TRIM69: variants seen among roughly 807,000 people sequenced by gnomAD.
TRIM69 encodes the protein tripartite motif containing 69.
In TRIM69, 29 loss-of-function variants were observed where a neutral mutation model predicts 37.7. The observed-to-expected ratio is 0.77, with a 90% CI of 0.57 to 1.05. The LOEUF (loss-of-function observed/expected upper bound fraction) is 1.05, where lower values mean the gene tolerates loss of function less well. Among genes scored for constraint, TRIM69 ranks in the 50% least tolerant of loss-of-function variants. The pLI is 0.00. For synonymous variants in TRIM69, 209 were observed against 212.4 expected, an observed-to-expected ratio of 0.98 and a Z score of 0.14; for missense variants, 596 against 579.9, an observed-to-expected ratio of 1.03 and a Z score of -0.28.
At position 44,767,722 on chromosome 15, in the gene TRIM69, A is replaced by G. The variant is rs1403182655; in HGVS notation, c.1453A>G (p.Asn485Asp). ...TTATCCCTACTTCTGCCCCTGCCTT[A>G]ATGATGGTGGAGAGAATAAAGAACC... ...KLYPYFCPCLNDGGENKEPLH... is the reference protein window; with the variant it reads ...KLYPYFCPCLDDGGENKEPLH... Residue 485 changes from asparagine (N) to aspartate (D), a missense_variant, in exon 7 of 7, where the codon AAT (asparagine) becomes GAT (aspartate). Transcript: ENST00000329464. 6.2e-7 allele frequency: 1 copy of G among 1,613,860 alleles called. No homozygotes were observed. Among genetic ancestry groups the G allele is most frequent in the African/African-American group, 1.3e-5 (1 of 74,928 alleles).
At chr15:44,762,675 C>T (rs2087801932) in intron 6 of TRIM69, among the ~76,000 whole-genome samples, 1 of 152,046 alleles carries the variant, frequency 6.6e-6, no homozygotes, top group South Asian at 2.1e-4. Context: ...ATTTTATATA[C>T]ATTTCATTTC....
chr15:44,747,908 C>A (rs2087442172), intron 1 of TRIM69, among the ~76,000 whole-genome samples: 1 of 152,128 alleles, frequency 6.6e-6, no homozygotes, highest in Non-Finnish European at 1.5e-5. Flanking sequence ...GAAACTAAGC[C>A]CATAAGGAGA....
At chr15:44,759,519 G>A in intron 4 of TRIM69, 121 bp from the exon 5 acceptor site, 2 of 911,172 alleles carry the variant, frequency 2.2e-6, no homozygotes, top group Non-Finnish European at 3.4e-6. Flanking sequence ...AAGGATGAAA[G>A]AAGTTGGTAG....
intron 1 of TRIM69, among the ~76,000 whole-genome samples, chr15:44,749,675 G>A (rs2087480296): frequency 6.6e-6 from 1 of 152,134 alleles, no homozygotes; most frequent in Admixed American, 6.6e-5. Flanking sequence ...TGTGAATAGT[G>A]CTGCTATTAA....
Position 44,767,273 on chromosome 15 carries a change from A to C in TRIM69, c.1004A>C (p.Asn335Thr), listed in dbSNP as rs777474756. The C allele has an allele frequency of 1.9e-6, 3 of 1,613,798 alleles. No individual in the cohort carries two copies. The highest frequency in any genetic ancestry group is 2.5e-6 in the Non-Finnish European group (3 of 1,179,974). Residue 335 changes from asparagine (N) to threonine (T), a missense_variant, in exon 7 of 7, where the codon AAT becomes ACT. Coordinates refer to ENST00000329464, the MANE Select transcript of TRIM69 (RefSeq NM_182985.5). ...LTLDPKTAHP[N>T]LVLSKSQTSV... The stretch of plus-strand genomic sequence containing the variant: ...CTGGACCCTAAAACAGCTCACCCAA[A>C]TCTGGTGCTCTCCAAAAGCCAAACC...
chr15:44,756,250 G>C, intron 2 of TRIM69, 118 bp from the exon 3 acceptor site: 1 of 655,964 alleles, frequency 1.5e-6, no homozygotes. Context: ...AGGGGAAGGG[G>C]AAGATTTTTG....
rs1463528568 is a variant in TRIM69 at position 44,756,526 on chromosome 15, CT to C, written c.579+64del. 1.4e-5 allele frequency: 16 copies of C among 1,147,644 alleles called. No homozygotes were observed. In the East Asian group the frequency reaches 4.1e-4, roughly 29 times the overall value. The allele number at this position is 1,147,644 out of a possible 1,614,324, so 71.1% of individuals were successfully genotyped here. Reference sequence around the variant, plus strand: ...GAACACACCCTCCATGTAACTTCAGCTATGGGTACAAAGGTGCCTAACATAT... The same window carrying C: ...GAACACACCCTCCATGTAACTTCAGCATGGGTACAAAGGTGCCTAACATAT... On this transcript the variant is annotated intron_variant, in intron 3 of 6. Coordinates refer to ENST00000329464, the MANE Select transcript of TRIM69 (RefSeq NM_182985.5).
intron 6 of TRIM69, among the ~76,000 whole-genome samples, 178 bp from the exon 7 acceptor site, chr15:44,767,053 C>CAAAAAAAAAGAA (rs2087905170): frequency 4.1e-5 from 1 of 24,312 alleles, no homozygotes; most frequent in Non-Finnish European, 6.9e-5. Flanking sequence ...TTGTCTGCCT[C>CAAAAAAAAAGAA]AAAAAAAAAA....
At chr15:44,747,897 G>A (rs2141318085) in intron 1 of TRIM69, among the ~76,000 whole-genome samples, 1 of 152,278 alleles carries the variant, frequency 6.6e-6, no homozygotes, top group African/African-American at 2.4e-5. Flanking sequence ...TGAATATAAG[G>A]GAAACTAAGC....
chr15:44,739,682 C>T lies in TRIM69; in HGVS notation c.6+2972C>T, dbSNP rs543515519. On this transcript the variant is annotated intron_variant, in intron 1 of 6. Coordinates refer to ENST00000329464, the MANE Select transcript of TRIM69 (RefSeq NM_182985.5). ...GGCGGCAGCGAGGCTGTGGGAGGGGCGCCCACCATTGCCCAGGCTTGCTTA... is the reference window on the plus strand; with the variant it reads ...GGCGGCAGCGAGGCTGTGGGAGGGGTGCCCACCATTGCCCAGGCTTGCTTA... Among the ~76,000 whole-genome samples, 20 of 152,200 alleles carry T rather than the reference C, an allele frequency of 1.3e-4. No homozygotes were observed. In the South Asian group the frequency reaches 2.3e-3, roughly 17 times the overall value.
Position 44,759,650 on chromosome 15 carries a change from C to A in TRIM69, c.824C>A (p.Thr275Asn). The change falls in exon 5 of 7, where the codon ACT (threonine) becomes AAT (asparagine). Residue 275 changes from threonine to asparagine, a missense_variant. By Grantham distance (65) the Thr-to-Asn change is moderately conservative. Coordinates refer to ENST00000329464, the MANE Select transcript of TRIM69 (RefSeq NM_182985.5). ...NSFDFLKDITTLLHSLEQGMK... is the reference protein window; with the variant it reads ...NSFDFLKDITNLLHSLEQGMK... ...TCTCCTTTCTTCTAGGACATCACAA[C>A]TCTCTTACATAGGTAAGTGTTTCCC... 1 of 1,614,040 alleles carries A rather than the reference C, an allele frequency of 6.2e-7. No individual in the cohort carries two copies. Among genetic ancestry groups the A allele is most frequent in the Non-Finnish European group, 8.5e-7 (1 of 1,179,940 alleles).
At chr15:44,761,944 C>T (rs1416736373) in intron 6 of TRIM69, among the ~76,000 whole-genome samples, 2 of 152,044 alleles carry the variant, frequency 1.3e-5, no homozygotes, top group Admixed American at 6.6e-5. Flanking sequence ...TTTCTCACTC[C>T]ATGGCTTGCC....
rs201506732 is a variant in TRIM69 at position 44,754,912 on chromosome 15, C to G, written c.19C>G (p.Pro7Ala). 1.7e-5 allele frequency: 27 copies of G among 1,611,078 alleles called. No homozygotes were observed. The highest frequency in any genetic ancestry group is 2.3e-5 in the Non-Finnish European group (27 of 1,177,832). MEVSTN[P>A]SSNIDPGDYV... ...TTCTTTTCTAAAGGTATCCACCAAC[C>G]CCTCCTCCAACATCGATCCAGGCGA... Residue 7 changes from proline to alanine, a missense_variant, in exon 2 of 7, where the codon CCC becomes GCC. Coordinates refer to ENST00000329464, the MANE Select transcript of TRIM69 (RefSeq NM_182985.5).
intron 1 of TRIM69, among the ~76,000 whole-genome samples, chr15:44,737,215 T>C (rs531793264): frequency 1.3e-5 from 2 of 152,336 alleles, no homozygotes; most frequent in South Asian, 4.1e-4. Context: ...ATTTACTACA[T>C]GAAAGCTTGA....
chr15:44,764,970 G>T (rs892432305), intron 6 of TRIM69, among the ~76,000 whole-genome samples: 1 of 152,138 alleles, frequency 6.6e-6, no homozygotes, highest in Non-Finnish European at 1.5e-5. Context: ...TAAGGACTCT[G>T]GATTTTATCT....
intron 1 of TRIM69, among the ~76,000 whole-genome samples, chr15:44,748,685 G>A (rs758708629): frequency 1.2e-4 from 18 of 151,256 alleles, no homozygotes; most frequent in Non-Finnish European, 1.8e-4. Flanking sequence ...AATTAGCCAG[G>A]CATGGTGACG....
At position 44,759,813 on chromosome 15, in the gene TRIM69, A is replaced by C. The variant is rs756444431; in HGVS notation, c.902A>C (p.Gln301Pro). 5 of 1,614,092 alleles carry C rather than the reference A, an allele frequency of 3.1e-6. No individual in the cohort carries two copies. In the South Asian group the frequency reaches 3.3e-5, roughly 11 times the overall value. The change falls in exon 6 of 7, where the codon CAG becomes CCG. Residue 301 changes from glutamine to proline, a missense_variant. By Grantham distance (76) the Gln-to-Pro change is moderately conservative. Coordinates refer to ENST00000329464, the MANE Select transcript of TRIM69 (RefSeq NM_182985.5). ...ATTTCCAGAAAGCTGAACCTGGGCC[A>C]GTACAAAGGTCCTATCCAGTACATG... ...ELISRKLNLG[Q>P]YKGPIQYMVW...
intron 6 of TRIM69, among the ~76,000 whole-genome samples, chr15:44,762,409 A>T (rs1456870589): frequency 3.3e-5 from 5 of 151,954 alleles, no homozygotes; most frequent in African/African-American, 7.3e-5. Context: ...ATTTTCATCA[A>T]ATTTTGAATA....
chr15:44,740,605 G>A (rs1039700327), intron 1 of TRIM69, among the ~76,000 whole-genome samples: 1 of 152,074 alleles, frequency 6.6e-6, no homozygotes, highest in Non-Finnish European at 1.5e-5. Context: ...GGCTCAAAAT[G>A]AAAGGATGGA....
Sources: allele counts gnomAD v4.1 joint callset (sites outside exome capture counted in the v4.1 genomes callset), GRCh38; gene constraint gnomAD v4.1.1; transcripts MANE v1.5; gene names NCBI Gene and HGNC (gene_info 2026-07-23, HGNC 2026-07-21).